Variants in LOXL2 observed in about 807,000 individuals in gnomAD.
LOXL2 encodes the protein lysyl oxidase homolog 2.
A neutral mutation model predicts 93.0 loss-of-function variants in LOXL2; 70 were observed. The ratio of observed to expected loss-of-function variants is 0.75; its 90% CI spans 0.62 to 0.92. The LOEUF (loss-of-function observed/expected upper bound fraction) is 0.92, where lower values mean the gene tolerates loss of function less well. Among genes scored for constraint, LOXL2 ranks in the 40% least tolerant of loss-of-function variants. LOXL2 has a pLI of 0.00. For synonymous variants in LOXL2, 438 were observed against 413.2 expected (o/e 1.06, Z -0.73); for missense variants, 973 against 1,054.9 (o/e 0.92, Z 1.08).
intron 9 of LOXL2, among the ~76,000 whole-genome samples, chr8:23,310,147 ATC>A (rs1803300719): frequency 6.6e-6 from 1 of 152,200 alleles, no homozygotes. Context: ...AGATGTTAAA[ATC>A]TCACACACCT....
chr8:23,332,391 CACACACACTCAT>C (rs1803702562), intron 5 of LOXL2, among the ~76,000 whole-genome samples: 1 of 128,892 alleles, frequency 7.8e-6, no homozygotes, highest in African/African-American at 2.8e-5. Flanking sequence ...CACACTCATA[CACACACACTCAT>C]ACACACACCG....
At chr8:23,315,803 C>G (rs1481231151) in intron 9 of LOXL2, among the ~76,000 whole-genome samples, 2 of 152,168 alleles carry the variant, frequency 1.3e-5, no homozygotes, top group Non-Finnish European at 2.9e-5. Flanking sequence ...ACCTGTCTAT[C>G]TTTCATCTGT....
intron 1 of LOXL2, among the ~76,000 whole-genome samples, chr8:23,383,315 C>T (rs1804705750): frequency 6.7e-6 from 1 of 149,660 alleles, no homozygotes; most frequent in Non-Finnish European, 1.5e-5. Flanking sequence ...ATAGAAATTA[C>T]CTTATGGGTG....
At chr8:23,355,633 G>T (rs1323012350) in intron 3 of LOXL2, among the ~76,000 whole-genome samples, 1 of 146,354 alleles carries the variant, frequency 6.8e-6, no homozygotes, top group Non-Finnish European at 1.5e-5. Flanking sequence ...TTGAGACAGG[G>T]TCTCGCCCTG....
At chr8:23,394,041 C>A (rs1274852918) in intron 1 of LOXL2, among the ~76,000 whole-genome samples, 1 of 152,186 alleles carries the variant, frequency 6.6e-6, no homozygotes, top group East Asian at 1.9e-4. Context: ...AATCATATAT[C>A]TGCAATGGTC....
chr8:23,335,316 GC>G lies in LOXL2; in HGVS notation c.744-1694del, dbSNP rs576252042. Among the ~76,000 whole-genome samples, 277 of 152,266 alleles carry G rather than the reference GC, an allele frequency of 1.8e-3. 2 individuals are homozygous for G. Among genetic ancestry groups the G allele is most frequent in the African/African-American group, 6.5e-3 (269 of 41,552 alleles). On this transcript the variant is annotated intron_variant, in intron 4 of 13. Coordinates refer to ENST00000389131, the MANE Select transcript of LOXL2 (RefSeq NM_002318.3). The stretch of plus-strand genomic sequence containing the variant: ...GACCTCTGGTGATCTGGCCACCTCT[GC>G]CTCCCAAAGTGCTGGGATTATAGGC...
chr8:23,401,430 T>C lies in LOXL2; in HGVS notation c.-84+2524A>G, dbSNP rs1800150384. Among the ~76,000 whole-genome samples, 4 of 152,320 alleles carry C rather than the reference T, an allele frequency of 2.6e-5. No individual in the cohort carries two copies. The South Asian group carries it at 8.3e-4, about 32-fold the overall frequency. ...TTTCTTAGGTCTAAATATGGCATCA[T>C]AGTTATGTAAAATCTTTAGAAATCA... On this transcript the variant is annotated intron_variant, in intron 1 of 13. Transcript: ENST00000389131.
chr8:23,330,556 C>A (rs1400381675), intron 5 of LOXL2, among the ~76,000 whole-genome samples: 2 of 152,020 alleles, frequency 1.3e-5, no homozygotes, highest in African/African-American at 2.4e-5. Context: ...CCAGCTATGG[C>A]CAAGCAGTCA....
chr8:23,300,061 C>T (rs1410241081), intron 12 of LOXL2, among the ~76,000 whole-genome samples: 1 of 152,250 alleles, frequency 6.6e-6, no homozygotes, highest in Admixed American at 6.5e-5. Context: ...CGTTCCTGGC[C>T]CACACATGGC....
intron 1 of LOXL2, among the ~76,000 whole-genome samples, chr8:23,395,326 A>G (rs1689416107): frequency 6.6e-6 from 1 of 151,874 alleles, no homozygotes; most frequent in African/African-American, 2.4e-5. Context: ...CCAAAAAAAA[A>G]AAAAAAAAAC....
intron 1 of LOXL2, among the ~76,000 whole-genome samples, chr8:23,383,151 T>A (rs1804703827): frequency 6.6e-6 from 1 of 152,102 alleles, no homozygotes; most frequent in Non-Finnish European, 1.5e-5. Context: ...TGGGCCCTCT[T>A]GCCTCTCCAC....
At chr8:23,312,741 T>A (rs12550649) in intron 9 of LOXL2, among the ~76,000 whole-genome samples, 3,022 of 29,998 alleles carry the variant, frequency 0.1, 271 homozygotes, top group East Asian at 0.15. Context: ...AACTGGCACA[T>A]GACAGGGATG....
In LOXL2 at chr8:23,319,936, G is replaced by C; in HGVS notation, c.1419C>G (p.Ala473=). Residue 473 remains alanine, a synonymous_variant, in exon 8 of 14, where the codon GCC becomes GCG. Transcript: ENST00000389131. ...GGCCCAGCTGGCGGCAGACCACCAT[G>C]GCCTCCACGATGCCCCAGTTTTGGC... ...VCGQNWGIVE[A]MVVCRQLGLG... is the part of the protein sequence containing the mutation. 6.2e-7 allele frequency: 1 copy of C among 1,614,080 alleles called. No homozygotes were observed. The highest frequency in any genetic ancestry group is 8.5e-7 in the Non-Finnish European group (1 of 1,179,968).
At chr8:23,371,733 A>G (rs190069549) in intron 1 of LOXL2, among the ~76,000 whole-genome samples, 1 of 115,750 alleles carries the variant, frequency 8.6e-6, no homozygotes, top group African/African-American at 3.4e-5. Context: ...GCCTGGGCGA[A>G]AGAGTGAGAG....
At chr8:23,383,794 G>A (rs561660131) in intron 1 of LOXL2, among the ~76,000 whole-genome samples, 344 of 151,426 alleles carry the variant, frequency 2.3e-3, no homozygotes, top group Non-Finnish European at 3.7e-3. Context: ...CCGAGTAGCT[G>A]GGACTACAGG....
intron 1 of LOXL2, chr8:23,386,040 A>T (rs1240202750): frequency 1.3e-6 from 1 of 765,016 alleles, no homozygotes; most frequent in African/African-American, 1.7e-5. Flanking sequence ...CAGCATCCCT[A>T]TTTTCCTAAG....
chr8:23,385,983 C>T (rs1430733656), intron 1 of LOXL2: 6 of 765,278 alleles, frequency 7.8e-6, no homozygotes, highest in South Asian at 1.3e-5. Flanking sequence ...TGGTGGCTGC[C>T]ATACTGCACA....
intron 3 of LOXL2, among the ~76,000 whole-genome samples, chr8:23,355,797 C>A (rs926847225): frequency 1.3e-5 from 2 of 151,658 alleles, no homozygotes; most frequent in African/African-American, 4.8e-5. Flanking sequence ...TTGGTAGAGA[C>A]ACGGTCTTGC....
At chr8:23,312,365 A>C (rs1174107344) in intron 9 of LOXL2, among the ~76,000 whole-genome samples, 1 of 142,856 alleles carries the variant, frequency 7.0e-6, no homozygotes, top group African/African-American at 2.8e-5. Flanking sequence ...ATTTTAGACC[A>C]ATATCCTTGA....
Sources: allele counts gnomAD v4.1 joint callset (sites outside exome capture counted in the v4.1 genomes callset), GRCh38; gene constraint gnomAD v4.1.1; transcripts MANE v1.5; gene names NCBI Gene and HGNC (gene_info 2026-07-23, HGNC 2026-07-21).